PRELID3A: variants seen among roughly 807,000 people sequenced by gnomAD.
PRELID3A encodes PRELI domain containing protein 3A.
In PRELID3A, 27 loss-of-function variants were observed where a neutral mutation model predicts 23.0. The observed-to-expected ratio is 1.17, with a 90% CI of 0.87 to 1.62. The LOEUF (loss-of-function observed/expected upper bound fraction) is 1.62, where lower values mean the gene tolerates loss of function less well. PRELID3A is among the 40% of genes most tolerant of loss of function. The pLI, the probability that PRELID3A is intolerant of heterozygous loss-of-function variation, is 0.00. For missense variants in PRELID3A, 231 were observed against 231.4 expected (o/e 1.00, Z 0.01); for synonymous variants, 87 against 86.4 (o/e 1.01, Z -0.04).
At chr18:12,414,499 G>T (rs2029885421) in intron 1 of PRELID3A, among the ~76,000 whole-genome samples, 1 of 152,230 alleles carries the variant, frequency 6.6e-6, no homozygotes, top group African/African-American at 2.4e-5. Context: ...GCCGAGGTGG[G>T]TGGATCACCT....
chr18:12,419,012 A>G (rs929074730), intron 1 of PRELID3A, among the ~76,000 whole-genome samples: 2 of 152,028 alleles, frequency 1.3e-5, no homozygotes, highest in Non-Finnish European at 2.9e-5. Flanking sequence ...ACATAATGAG[A>G]CCTAAAAAAA....
intron 3 of PRELID3A, among the ~76,000 whole-genome samples, chr18:12,426,390 T>TA (rs1361346893): frequency 2.7e-5 from 4 of 147,152 alleles, no homozygotes; most frequent in South Asian, 4.4e-4. Flanking sequence ...CCGTCTCTAC[T>TA]AAAAATACAA....
In PRELID3A at chr18:12,427,320, G is replaced by T. The variant is rs1211712405; in HGVS notation, c.462G>T (p.Lys154Asn). Residue 154 changes from lysine (K) to asparagine (N), a missense_variant, in exon 5 of 7, where the codon AAG becomes AAT. Coordinates refer to ENST00000440960, the MANE Select transcript of PRELID3A (RefSeq NM_001142405.2). Reference protein sequence around the residue: ...LMANTISSNAKKGWAAIEWII... With the variant: ...LMANTISSNANKGWAAIEWII... ...CCAATACGATATCATCCAATGCAAA[G>T]AAGGTATGTATCTCAATCCTAGGAG... The T allele has an allele frequency of 6.2e-7, 1 of 1,602,624 alleles. No individual in the cohort carries two copies. Among genetic ancestry groups the T allele is most frequent in the African/African-American group, 1.3e-5 (1 of 74,750 alleles).
intron 2 of PRELID3A, 69 bp downstream of exon 2, chr18:12,420,562 C>G (rs1183264512): frequency 7.1e-7 from 1 of 1,400,024 alleles, no homozygotes; most frequent in Non-Finnish European, 9.4e-7. Flanking sequence ...CCCTCTCCCG[C>G]GTCCCTCCTC....
Position 12,421,592 on chromosome 18 carries a change from A to G in PRELID3A, c.254A>G (p.Asp85Gly). 3 of 1,613,778 alleles carry G rather than the reference A, an allele frequency of 1.9e-6. No homozygotes were observed. Among genetic ancestry groups the G allele is most frequent in the Non-Finnish European group, 2.5e-6 (3 of 1,179,788 alleles). The part of the protein sequence containing the change: ...LTYIREHSVV[D>G]PVEKKMELCS... The stretch of plus-strand genomic sequence containing the variant: ...TACATCCGAGAACATTCTGTGGTGG[A>G]TCCAGTGGAAAAGAAAATGGAACTT... The change falls in exon 3 of 7, where the codon GAT becomes GGT. Residue 85 changes from aspartate (D) to glycine (G), a missense_variant. Transcript: ENST00000440960.
chr18:12,409,173 T>G (rs1341907133), intron 1 of PRELID3A, among the ~76,000 whole-genome samples: 5 of 139,868 alleles, frequency 3.6e-5, no homozygotes, highest in African/African-American at 1.3e-4. Flanking sequence ...TTTTTTTTTT[T>G]TTTTTTTTTT....
Position 12,413,187 on chromosome 18 carries a change from A to C in PRELID3A, c.32+5180A>C, listed in dbSNP as rs189488624. ...CAAAACCTGAAACTATAATGAATAGAGTATTGAACTCTGAGGCCTAGCGGG... is the reference window on the plus strand; with the variant it reads ...CAAAACCTGAAACTATAATGAATAGCGTATTGAACTCTGAGGCCTAGCGGG... On this transcript the variant is annotated intron_variant, in intron 1 of 6. Coordinates refer to ENST00000440960, the MANE Select transcript of PRELID3A (RefSeq NM_001142405.2). Among the ~76,000 whole-genome samples the C allele has an allele frequency of 3.3e-5, 5 of 152,344 alleles. No individual in the cohort carries two copies. In the South Asian group the frequency reaches 8.3e-4, roughly 25 times the overall value.
chr18:12,409,159 G>GTTTTTTTTTTTTT (rs71371255), intron 1 of PRELID3A, among the ~76,000 whole-genome samples: 1 of 66,484 alleles, frequency 1.5e-5, no homozygotes, highest in Non-Finnish European at 2.6e-5. Context: ...CCCAGGCTGG[G>GTTTTTTTTTTTTT]TTTTTTTTTT....
intron 1 of PRELID3A, chr18:12,410,574 C>T (rs1360233398): frequency 2.6e-5 from 4 of 152,134 alleles, no homozygotes; most frequent in Admixed American, 2.0e-4. Flanking sequence ...CCCCTTGTTT[C>T]GTCCATTGAA....
rs142042166 is a variant in PRELID3A at position 12,414,991 on chromosome 18, C to T, written c.33-5334C>T. Among the ~76,000 whole-genome samples the T allele has an allele frequency of 2.2e-4, 34 of 152,090 alleles. No individual in the cohort carries two copies. The East Asian group carries it at 6.4e-3, about 29-fold the overall frequency. ...TTGCCCAGGCTGGAGTGCAGTAGTG[C>T]AATCACGACTTACTGCAGCCTCAAA... is the stretch of plus-strand genomic sequence containing the variant. On this transcript the variant is annotated intron_variant, in intron 1 of 6. Coordinates refer to ENST00000440960, the MANE Select transcript of PRELID3A (RefSeq NM_001142405.2).
chr18:12,425,446 C>A lies in PRELID3A; in HGVS notation c.292-1595C>A, dbSNP rs2030323896. On this transcript the variant is annotated intron_variant, in intron 3 of 6. Transcript: ENST00000440960. ...CCATCCTGGCTAACATGGTGAAACC[C>A]CGTCTCTACTAAAAATACAAAAAAA... is the stretch of plus-strand genomic sequence containing the variant. Among the ~76,000 whole-genome samples, 4 of 145,862 alleles carry A rather than the reference C, an allele frequency of 2.7e-5. No individual in the cohort carries two copies. The South Asian group carries it at 8.8e-4, about 32-fold the overall frequency.
intron 1 of PRELID3A, among the ~76,000 whole-genome samples, chr18:12,417,646 A>G (rs2030003573): frequency 6.6e-6 from 1 of 152,222 alleles, no homozygotes; most frequent in Non-Finnish European, 1.5e-5. Flanking sequence ...AAGCCATCAG[A>G]CTATTCATTG....
intron 1 of PRELID3A, among the ~76,000 whole-genome samples, chr18:12,411,389 C>G (rs1909904116): frequency 6.7e-6 from 1 of 148,252 alleles, no homozygotes; most frequent in African/African-American, 2.5e-5. Flanking sequence ...TGGCATGAAC[C>G]CGGGAGGCAG....
At chr18:12,415,635 C>T (rs184612019) in intron 1 of PRELID3A, among the ~76,000 whole-genome samples, 6 of 152,262 alleles carry the variant, frequency 3.9e-5, no homozygotes, top group East Asian at 3.9e-4. Flanking sequence ...TACTGAGAGC[C>T]GGTGCCACCC....
intron 1 of PRELID3A, 105 bp from the exon 2 acceptor site, chr18:12,420,220 A>AAGAGACT: frequency 1.4e-6 from 2 of 1,463,726 alleles, no homozygotes; most frequent in Non-Finnish European, 1.8e-6. Context: ...CATTAAAGTG[A>AAGAGACT]AGAGACTAGC....
At chr18:12,418,374 C>T (rs11665408) in intron 1 of PRELID3A, among the ~76,000 whole-genome samples, 1 of 152,164 alleles carries the variant, frequency 6.6e-6, no homozygotes, top group African/African-American at 2.4e-5. Context: ...CTGAAAATGG[C>T]TTCATGATAT....
At chr18:12,418,381 A>G (rs1465498548) in intron 1 of PRELID3A, among the ~76,000 whole-genome samples, 1 of 152,212 alleles carries the variant, frequency 6.6e-6, no homozygotes, top group Non-Finnish European at 1.5e-5. Context: ...TGGCTTCATG[A>G]TATAGGAAAA....
intron 1 of PRELID3A, chr18:12,410,776 A>C (rs1026643934): frequency 2.6e-5 from 4 of 151,994 alleles, no homozygotes; most frequent in African/African-American, 9.7e-5. Context: ...GGCTCACCAC[A>C]ACCTCTGCCT....
chr18:12,419,734 T>C (rs2030084427), intron 1 of PRELID3A, among the ~76,000 whole-genome samples: 1 of 151,138 alleles, frequency 6.6e-6, no homozygotes, highest in African/African-American at 2.4e-5. Flanking sequence ...GGTCAGGAGA[T>C]CGAGAGCACG....
Sources: gnomAD v4.1 joint callset for allele counts (sites outside exome capture counted in the v4.1 genomes callset) on GRCh38, gnomAD v4.1.1 for gene constraint, MANE v1.5 for transcripts, NCBI Gene and HGNC (gene_info 2026-07-23, HGNC 2026-07-21) for gene names.